The following EBF1 variants were observed in gnomAD, a reference collection of about 807,000 sequenced individuals.
The protein encoded by EBF1 is transcription factor COE1.
A neutral mutation model predicts 68.4 loss-of-function variants in EBF1; 10 were observed. The observed-to-expected ratio is 0.15, with a 90% CI of 0.09 to 0.25. EBF1 has a LOEUF of 0.25. Ranked by LOEUF, EBF1 falls within the 10% of genes least tolerant of loss-of-function variation. The pLI, the probability that EBF1 is intolerant of heterozygous loss-of-function variation, is 1.00. For missense variants in EBF1, 509 were observed against 794.4 expected, an observed-to-expected ratio of 0.64 and a Z score of 4.32; for synonymous variants, 298 against 299.8, an observed-to-expected ratio of 0.99 and a Z score of 0.06.
At chr5:158,831,641 GA>G (rs1562059483) in intron 7 of EBF1, among the ~76,000 whole-genome samples, 1 of 152,074 alleles carries the variant, frequency 6.6e-6, no homozygotes, top group African/African-American at 2.4e-5. Flanking sequence ...CTTCTTTAAG[GA>G]AGTGACAAAA....
intron 6 of EBF1, among the ~76,000 whole-genome samples, chr5:159,004,503 T>A (rs368036926): frequency 5.3e-4 from 80 of 151,358 alleles, no homozygotes; most frequent in African/African-American, 1.7e-3. Context: ...CATTTTGCTA[T>A]AAAGTAGCAA....
intron 6 of EBF1, among the ~76,000 whole-genome samples, chr5:159,002,660 T>C (rs765954373): frequency 2.0e-5 from 3 of 152,234 alleles, no homozygotes; most frequent in Non-Finnish European, 4.4e-5. Context: ...GCTGACATAG[T>C]TTTTATATAT....
Position 158,708,147 on chromosome 5 carries a change from A to C in EBF1, c.1576T>G (p.Ser526Ala). 1.3e-6 allele frequency: 2 copies of C among 1,586,496 alleles called. No homozygotes were observed. The highest frequency in any genetic ancestry group is 1.7e-4 in the Middle Eastern group (1 of 5,882). Residue 526 changes from serine (S) to alanine (A), a missense_variant, in exon 15 of 16, where the codon TCC (serine) becomes GCC (alanine). By Grantham distance (99) the Ser-to-Ala change is moderately conservative (BLOSUM62 1). Transcript: ENST00000313708. ...CAGTTGGAGGGGAGGCTTGTGGAGG[A>C]GGCCATGGTGGGGCTGGATGGCACT... ...AIVPSSPTMA[S>A]STSLPSNCSS...
chr5:159,033,853 C>T (rs534374087), intron 6 of EBF1, among the ~76,000 whole-genome samples: 1 of 152,214 alleles, frequency 6.6e-6, no homozygotes, highest in South Asian at 2.1e-4. Flanking sequence ...CCAAAAAAGT[C>T]TTCATTCTAC....
rs1008425187 is a variant in EBF1, at chr5:158,697,326, A to T, written c.*1785T>A. The T allele has an allele frequency of 2.6e-5, 5 of 195,578 alleles. No individual in the cohort carries two copies. In the East Asian group the frequency reaches 4.0e-4, roughly 16 times the overall value. The allele number at this position is 195,578 out of a possible 1,614,324, so 12.1% of individuals were successfully genotyped here. On this transcript the variant is annotated 3_prime_UTR_variant, in exon 16 of 16. Coordinates refer to ENST00000313708, the MANE Select transcript of EBF1 (RefSeq NM_024007.5). ...AAACTTCTTAACTTACAAATAATAC[A>T]AAAATAGACAATGACTTTTGGGTGG...
At chr5:159,007,904 C>T (rs998680868) in intron 6 of EBF1, among the ~76,000 whole-genome samples, 5 of 152,128 alleles carry the variant, frequency 3.3e-5, no homozygotes, top group African/African-American at 1.2e-4. Flanking sequence ...AGATAGATCC[C>T]AGTCACCCAA....
chr5:158,923,329 TCC>T (rs1808860019), intron 6 of EBF1, among the ~76,000 whole-genome samples: 1 of 152,230 alleles, frequency 6.6e-6, no homozygotes, highest in Admixed American at 6.5e-5. Context: ...CTCCTCTCTC[TCC>T]TTCTCTTAAA....
chr5:159,068,262 A>C (rs1000648444), intron 6 of EBF1, among the ~76,000 whole-genome samples: 1 of 152,164 alleles, frequency 6.6e-6, no homozygotes, highest in African/African-American at 2.4e-5. Flanking sequence ...TTTACCTCTG[A>C]TTATAAAAGA....
intron 6 of EBF1, among the ~76,000 whole-genome samples, chr5:158,890,757 T>C (rs1054584953): frequency 3.3e-5 from 5 of 152,238 alleles, no homozygotes; most frequent in African/African-American, 1.2e-4. Flanking sequence ...TGATGTCATT[T>C]TCCCTTTACT....
intron 6 of EBF1, among the ~76,000 whole-genome samples, chr5:158,854,588 A>T (rs1471492663): frequency 6.6e-6 from 1 of 152,244 alleles, no homozygotes; most frequent in Non-Finnish European, 1.5e-5. Flanking sequence ...TTCCCAGGGC[A>T]CTTAATTTAA....
At chr5:158,831,964 G>C (rs1315120035) in intron 7 of EBF1, among the ~76,000 whole-genome samples, 3 of 152,132 alleles carry the variant, frequency 2.0e-5, no homozygotes, top group Non-Finnish European at 2.9e-5. Flanking sequence ...AAGCAAATAA[G>C]AGAAAAAGTG....
At chr5:158,981,500 C>T (rs4623187) in intron 6 of EBF1, among the ~76,000 whole-genome samples, 22,245 of 152,034 alleles carry the variant, frequency 0.15, 1,750 homozygotes, top group African/African-American at 0.19. Context: ...AGGGATAGAG[C>T]TAATAAACAA....
At chr5:158,768,081 C>G (rs561103818) in intron 10 of EBF1, among the ~76,000 whole-genome samples, 3 of 152,102 alleles carry the variant, frequency 2.0e-5, no homozygotes, top group African/African-American at 7.2e-5. Context: ...CGCTCCCAAG[C>G]TCTCAGGACA....
intron 7 of EBF1, among the ~76,000 whole-genome samples, chr5:158,832,503 G>T (rs1417389644): frequency 6.6e-6 from 1 of 152,210 alleles, no homozygotes. Flanking sequence ...TGAAGAGAGT[G>T]ATCGCAGCTC....
chr5:159,022,056 T>TAAA (rs10630834), intron 6 of EBF1, among the ~76,000 whole-genome samples: 8,040 of 105,492 alleles, frequency 0.076, 474 homozygotes, highest in East Asian at 0.17. Flanking sequence ...GTCAGCACGA[T>TAAA]AAAAAAAAAA....
At chr5:158,884,901 C>A (rs1216349655) in intron 6 of EBF1, among the ~76,000 whole-genome samples, 1 of 152,186 alleles carries the variant, frequency 6.6e-6, no homozygotes, top group Non-Finnish European at 1.5e-5. Context: ...CCCAAAGTCA[C>A]CCAGCTACTG....
At chr5:158,911,995 C>A (rs556565181) in intron 6 of EBF1, among the ~76,000 whole-genome samples, 1 of 152,314 alleles carries the variant, frequency 6.6e-6, no homozygotes, top group Admixed American at 6.5e-5. Flanking sequence ...CTCTCTCTTC[C>A]ATTTCTCCAA....
intron 6 of EBF1, among the ~76,000 whole-genome samples, chr5:159,008,154 T>C (rs1244992297): frequency 2.6e-5 from 4 of 152,100 alleles, no homozygotes; most frequent in Admixed American, 2.6e-4. Flanking sequence ...AAACAAGTGG[T>C]ACCAAAAAAA....
chr5:158,920,124 A>G (rs1583172289), intron 6 of EBF1, among the ~76,000 whole-genome samples: 1 of 152,164 alleles, frequency 6.6e-6, no homozygotes, highest in African/African-American at 2.4e-5. Context: ...AGAAAGATGT[A>G]TTCCAAAAAA....
Sources: gnomAD v4.1 joint callset for allele counts (sites outside exome capture counted in the v4.1 genomes callset) on GRCh38, gnomAD v4.1.1 for gene constraint, MANE v1.5 for transcripts, NCBI Gene and HGNC (gene_info 2026-07-23, HGNC 2026-07-21) for gene names.